PHF21A: variants seen among roughly 807,000 people sequenced by gnomAD.
The protein encoded by PHF21A is BHC80a.
A neutral mutation model predicts 82.5 loss-of-function variants in PHF21A; 11 were observed. The observed-to-expected ratio is 0.13, with a 90% CI of 0.08 to 0.22. The LOEUF (loss-of-function observed/expected upper bound fraction) is 0.22, where lower values mean the gene tolerates loss of function less well. Among genes scored for constraint, PHF21A ranks in the 10% least tolerant of loss-of-function variants. PHF21A has a pLI of 1.00. For synonymous variants in PHF21A, 297 were observed against 302.8 expected, an observed-to-expected ratio of 0.98 and a Z score of 0.20; for missense variants, 579 against 837.8, an observed-to-expected ratio of 0.69 and a Z score of 3.81.
intron 6 of PHF21A, among the ~76,000 whole-genome samples, chr11:46,002,525 G>A (rs7350495): frequency 0.46 from 69,419 of 150,596 alleles, 17,687 homozygotes; most frequent in East Asian, 0.8. Context: ...CTATTTGGGG[G>A]AAAAAAAAAG....
rs577685940 is a variant in PHF21A at position 46,060,907 on chromosome 11, T to C, written c.153+15847A>G. Among the ~76,000 whole-genome samples the C allele has an allele frequency of 1.8e-4, 27 of 152,372 alleles. No individual in the cohort carries two copies. The South Asian group carries it at 4.3e-3, about 25-fold the overall frequency. On this transcript the variant is annotated intron_variant, in intron 6 of 18. Transcript: ENST00000676320. The stretch of plus-strand genomic sequence containing the variant: ...GCCCATGCTTATGTCCTGAATGGTA[T>C]TGCTGAGGTTATCTACCAGGGTTTT...
intron 6 of PHF21A, among the ~76,000 whole-genome samples, chr11:46,026,384 T>C (rs1054572100): frequency 2.0e-5 from 3 of 152,146 alleles, no homozygotes; most frequent in East Asian, 1.9e-4. Context: ...AAGCTGACAA[T>C]GAATAGGACT....
At chr11:46,080,166 A>AC (rs746215204) in intron 4 of PHF21A, among the ~76,000 whole-genome samples, 9 of 151,320 alleles carry the variant, frequency 5.9e-5, no homozygotes, top group South Asian at 2.1e-4. Context: ...TCTAACTACT[A>AC]GTTTTTTTTT....
intron 1 of PHF21A, among the ~76,000 whole-genome samples, chr11:46,110,954 T>C (rs2097206474): frequency 1.3e-5 from 2 of 151,704 alleles, no homozygotes; most frequent in African/African-American, 4.8e-5. Context: ...CCCAGCTAAT[T>C]TTCTATTTTC....
At chr11:46,107,627 A>G (rs2097166783) in intron 1 of PHF21A, among the ~76,000 whole-genome samples, 1 of 152,218 alleles carries the variant, frequency 6.6e-6, no homozygotes, top group African/African-American at 2.4e-5. Flanking sequence ...TAGGATTAGA[A>G]AGGCTTTTTT....
At chr11:46,079,236 C>A in intron 4 of PHF21A, 70 bp from the exon 5 acceptor site, 2 of 1,104,726 alleles carry the variant, frequency 1.8e-6, no homozygotes, top group South Asian at 1.5e-5. Context: ...CAGGTTTGGA[C>A]CAAAAAATCT....
chr11:46,026,949 G>A (rs2095758034), intron 6 of PHF21A: 1 of 152,192 alleles, frequency 6.6e-6, no homozygotes, highest in African/African-American at 2.4e-5. Context: ...TTGGAACACA[G>A]AAAATCTGCT....
At chr11:46,109,909 A>T (rs920935868) in intron 1 of PHF21A, among the ~76,000 whole-genome samples, 2 of 150,006 alleles carry the variant, frequency 1.3e-5, no homozygotes, top group Non-Finnish European at 3.0e-5. Context: ...TGAACCTAGG[A>T]GGTAGTGGTT....
chr11:45,973,284 C>T (rs558543641), intron 7 of PHF21A, among the ~76,000 whole-genome samples: 36 of 152,240 alleles, frequency 2.4e-4, no homozygotes, highest in Non-Finnish European at 4.6e-4. Context: ...TGTGCAATAC[C>T]AGTGAAAAGT....
rs2088061297 is a variant in PHF21A, at chr11:45,933,899, T to C, written c.*69A>G. 4 of 1,413,642 alleles carry C rather than the reference T, an allele frequency of 2.8e-6. No individual in the cohort carries two copies. The highest frequency in any genetic ancestry group is 5.0e-5 in the Admixed American group (2 of 39,864). 87.6% of individuals were successfully genotyped at this position (1,413,642 alleles called of 1,614,324 possible). A position where few individuals can be genotyped will look rare whatever the true frequency, so the allele number is the denominator to read the frequency against. ...CACTTTCCAGAAATCCGGCTTTGCTTTTCTAGAGTCTTCAGTGTTCTGTTC... is the reference window on the plus strand; with the variant it reads ...CACTTTCCAGAAATCCGGCTTTGCTCTTCTAGAGTCTTCAGTGTTCTGTTC... On this transcript the variant is annotated 3_prime_UTR_variant, in exon 19 of 19. Transcript: ENST00000676320.
At chr11:46,015,920 A>G (rs1483812200) in intron 6 of PHF21A, among the ~76,000 whole-genome samples, 1 of 151,958 alleles carries the variant, frequency 6.6e-6, no homozygotes, top group African/African-American at 2.4e-5. Flanking sequence ...CTATCTATCT[A>G]TCTATCTATC....
chr11:46,039,173 A>C (rs2096073670), intron 6 of PHF21A, among the ~76,000 whole-genome samples: 1 of 152,208 alleles, frequency 6.6e-6, no homozygotes, highest in Admixed American at 6.5e-5. Context: ...TGATGAAATA[A>C]TATGCTCTCA....
chr11:46,050,582 A>G lies in PHF21A; in HGVS notation c.153+26172T>C, dbSNP rs2096344174. ...AGCATCTCTGGGAGGGGAATGAAGT[A>G]GGTACTTCTATAATTTTAATTCATC... On this transcript the variant is annotated intron_variant, in intron 6 of 18. Coordinates refer to ENST00000676320, the MANE Select transcript of PHF21A (RefSeq NM_001352027.3). Among the ~76,000 whole-genome samples the G allele has an allele frequency of 2.0e-5, 3 of 152,242 alleles. No homozygotes were observed. The South Asian group carries it at 6.2e-4, about 31-fold the overall frequency.
intron 6 of PHF21A, among the ~76,000 whole-genome samples, chr11:46,030,334 T>C (rs1411709608): frequency 6.6e-6 from 1 of 152,252 alleles, no homozygotes; most frequent in Non-Finnish European, 1.5e-5. Context: ...AGAATGCTTC[T>C]TTCATAACAA....
chr11:46,078,908 T>G (rs1356096000), intron 5 of PHF21A, among the ~76,000 whole-genome samples: 1 of 152,072 alleles, frequency 6.6e-6, no homozygotes, highest in Non-Finnish European at 1.5e-5. Flanking sequence ...CCAATTAATA[T>G]GACACCAAAA....
At chr11:46,017,597 C>A (rs1187369771) in intron 6 of PHF21A, among the ~76,000 whole-genome samples, 1 of 151,150 alleles carries the variant, frequency 6.6e-6, no homozygotes, top group Non-Finnish European at 1.5e-5. Context: ...AAAAAAAACA[C>A]CTCCCTCATC....
intron 10 of PHF21A, among the ~76,000 whole-genome samples, chr11:45,963,375 C>T (rs1363103792): frequency 3.4e-5 from 5 of 148,454 alleles, no homozygotes; most frequent in Admixed American, 1.3e-4. Context: ...AGCTGAGATC[C>T]CACCATTGCA....
At chr11:46,046,613 T>C (rs894245430) in intron 6 of PHF21A, among the ~76,000 whole-genome samples, 1 of 152,200 alleles carries the variant, frequency 6.6e-6, no homozygotes, top group African/African-American at 2.4e-5. Flanking sequence ...TGTGCATATA[T>C]TTCCCTCATA....
intron 11 of PHF21A, among the ~76,000 whole-genome samples, chr11:45,952,825 T>C (rs2092287671): frequency 6.6e-6 from 1 of 152,220 alleles, no homozygotes; most frequent in African/African-American, 2.4e-5. Flanking sequence ...CTGTCAGATA[T>C]TCATCATCAT....
Sources: gnomAD v4.1 joint callset for allele counts (sites outside exome capture counted in the v4.1 genomes callset) on GRCh38, gnomAD v4.1.1 for gene constraint, MANE v1.5 for transcripts, NCBI Gene and HGNC (gene_info 2026-07-23, HGNC 2026-07-21) for gene names.